Variants in CACNA1H observed in about 807,000 individuals in gnomAD.
The protein encoded by CACNA1H is calcium voltage-gated channel subunit alpha1 H.
Under a neutral mutation model 192.5 loss-of-function variants are expected in CACNA1H, and 149 were observed. The observed-to-expected ratio is 0.77, with a 90% CI of 0.68 to 0.89. The LOEUF is 0.89. CACNA1H is among the 40% of genes least tolerant of loss of function. The probability of loss-of-function intolerance (pLI) is 0.00; values close to 1 mark genes in which losing one functional copy is unlikely to be tolerated. For missense variants in CACNA1H, 4,257 were observed against 3,423.5 expected, an observed-to-expected ratio of 1.24 and a Z score of -6.08; for synonymous variants, 2,202 against 1,475.2, an observed-to-expected ratio of 1.49 and a Z score of -11.29.
chr16:1,161,577 C>T (rs557874737), intron 2 of CACNA1H, among the ~76,000 whole-genome samples: 15 of 152,214 alleles, frequency 9.9e-5, no homozygotes, highest in East Asian at 1.9e-4. Context: ...GGGGGGCTAG[C>T]GACCCCTGCC....
chr16:1,159,107 T>G (rs1044582910), intron 2 of CACNA1H, among the ~76,000 whole-genome samples: 3 of 152,190 alleles, frequency 2.0e-5, no homozygotes, highest in Non-Finnish European at 4.4e-5. Context: ...ATGGGGGGAC[T>G]TGGGGAGCCG....
At position 1,214,033 on chromosome 16, in the gene CACNA1H, C is replaced by T. The variant is rs376817082; in HGVS notation, c.4929+102C>T. On this transcript the variant is annotated intron_variant, in intron 27 of 34. Coordinates refer to ENST00000348261, the MANE Select transcript of CACNA1H (RefSeq NM_021098.3). The stretch of plus-strand genomic sequence containing the variant: ...CTGGACCGGCGCTCCGCTGAGCCCT[C>T]GCTGGGGTTTGCGTGGGGATGTGGG... The T allele has an allele frequency of 4.1e-4, 420 of 1,031,124 alleles. 3 individuals carry two copies. In the African/African-American group the frequency reaches 5.9e-3, roughly 15 times the overall value. The allele number at this position is 1,031,124 out of a possible 1,614,324, so 63.9% of individuals were successfully genotyped here.
intron 26 of CACNA1H, among the ~76,000 whole-genome samples, chr16:1,213,210 G>A (rs1387707129): frequency 1.3e-5 from 2 of 152,214 alleles, no homozygotes; most frequent in East Asian, 3.9e-4. Context: ...TGGGCTGGTG[G>A]CCAGAGGAGG....
chr16:1,153,628 CCGGCGGCCGCGGCTGTTCCCGCAG>C (rs1961873770), intron 1 of CACNA1H, 68 bp from the exon 2 acceptor site: 2 of 799,838 alleles, frequency 2.5e-6, no homozygotes, highest in East Asian at 8.6e-5. Flanking sequence ...CAAAGACATC[CCGGCGGCCGCGGCTGTTCCCGCAG>C]CTCCGCGCCG....
In CACNA1H at chr16:1,221,249, G is replaced by A. The variant is rs1012043038; in HGVS notation, c.*255G>A. On this transcript the variant is annotated 3_prime_UTR_variant, in exon 35 of 35. Transcript: ENST00000348261. ...CCAGCCGAGGCTGTGCGGGCAACTGGGTCAGCCTCCCGTCAGGAGAGAAGC... is the reference window on the plus strand; with the variant it reads ...CCAGCCGAGGCTGTGCGGGCAACTGAGTCAGCCTCCCGTCAGGAGAGAAGC... The A allele has an allele frequency of 4.1e-6, 2 of 482,820 alleles. No homozygotes were observed. The highest frequency in any genetic ancestry group is 3.9e-5 in the African/African-American group (2 of 51,416). 29.9% of individuals were successfully genotyped at this position (482,820 alleles called of 1,614,324 possible).
chr16:1,194,730 G>GGCCA lies in CACNA1H; in HGVS notation c.300-240_300-237dup, dbSNP rs141356546. Among the ~76,000 whole-genome samples the GGCCA allele has an allele frequency of 9.4e-3, 1,433 of 152,298 alleles. 36 individuals carry two copies. Among genetic ancestry groups the GGCCA allele is most frequent in the African/African-American group, 0.032 (1,343 of 41,564 alleles). On this transcript the variant is annotated intron_variant, in intron 2 of 34. Coordinates refer to ENST00000348261, the MANE Select transcript of CACNA1H (RefSeq NM_021098.3). The stretch of plus-strand genomic sequence containing the variant: ...GCTTTCCTGATGAGCCAACGCCGAG[G>GGCCA]GCCAGGGGGCCGGGCCTGGGACCCT...
intron 2 of CACNA1H, among the ~76,000 whole-genome samples, chr16:1,164,170 C>G (rs1190638201): frequency 2.0e-5 from 3 of 152,082 alleles, no homozygotes; most frequent in Non-Finnish European, 4.4e-5. Flanking sequence ...CCAGGATGCC[C>G]GTTCAGTTAT....
chr16:1,177,326 T>A (rs1221203941), intron 2 of CACNA1H, among the ~76,000 whole-genome samples: 1 of 152,158 alleles, frequency 6.6e-6, no homozygotes, highest in Non-Finnish European at 1.5e-5. Flanking sequence ...ATTTACACAC[T>A]GCAGCCGCCG....
intron 2 of CACNA1H, among the ~76,000 whole-genome samples, chr16:1,160,393 C>T (rs1263159226): frequency 6.6e-6 from 1 of 152,144 alleles, no homozygotes; most frequent in Non-Finnish European, 1.5e-5. Context: ...GTCAGCCGGT[C>T]GCGCCCTGAG....
rs1413951087 is a variant in CACNA1H at position 1,217,837 on chromosome 16, A to C, written c.5324-82A>C. On this transcript the variant is annotated intron_variant, in intron 31 of 34. Transcript: ENST00000348261. ...GGCTATCCTGCCTCTGGGCTCCCCA[A>C]GGGGCATGTGGAGGCTGGGTGCATG... The C allele has an allele frequency of 3.4e-6, 5 of 1,484,952 alleles. No individual in the cohort carries two copies. In the East Asian group the frequency reaches 1.2e-4, roughly 37 times the overall value. The allele number at this position is 1,484,952 out of a possible 1,614,324, so 92.0% of individuals were successfully genotyped here. A position where few individuals can be genotyped will look rare whatever the true frequency, so the allele number is the denominator to read the frequency against.
rs576145899 is a variant in CACNA1H at position 1,220,501 on chromosome 16, C to G, written c.6569C>G (p.Pro2190Arg). ...CGCAGAAAGAAGAAGATGAGCCCCCCCTGCATCTCGGTGGAACCCCCTGCG... is the reference window on the plus strand; with the variant it reads ...CGCAGAAAGAAGAAGATGAGCCCCCGCTGCATCTCGGTGGAACCCCCTGCG... ...GARRKKKMSP[P>R]CISVEPPAED... is the part of the protein sequence containing the mutation. Residue 2190 changes from proline to arginine, a missense_variant, in exon 35 of 35, where the codon CCC becomes CGC. Pro to Arg is a moderately radical substitution (Grantham distance 103). Transcript: ENST00000348261. 1.9e-6 allele frequency: 3 copies of G among 1,542,342 alleles called. No homozygotes were observed. Among genetic ancestry groups the G allele is most frequent in the African/African-American group, 2.8e-5 (2 of 71,862 alleles).
rs1315096038 is a variant in CACNA1H at position 1,167,484 on chromosome 16, T to A, written c.299+13448T>A. Among the ~76,000 whole-genome samples, 1 of 151,922 alleles carries A rather than the reference T, an allele frequency of 6.6e-6. No individual in the cohort carries two copies. The highest frequency in any genetic ancestry group is 1.5e-5 in the Non-Finnish European group (1 of 67,986). ...TAAAAAAAAAAATTATTAATGAGCT[T>A]GGTGCGGTTGCCATGGGAACCTGTT... is the stretch of plus-strand genomic sequence containing the variant. On this transcript the variant is annotated intron_variant, in intron 2 of 34. Coordinates refer to ENST00000348261, the MANE Select transcript of CACNA1H (RefSeq NM_021098.3). This position sits in a 1 kb window ranked among gnomAD's most constrained non-coding sequence, Gnocchi z 4.2.
intron 2 of CACNA1H, among the ~76,000 whole-genome samples, chr16:1,178,387 C>T (rs1337419739): frequency 6.7e-6 from 1 of 149,958 alleles, no homozygotes; most frequent in Non-Finnish European, 1.5e-5. Flanking sequence ...CCCCCGAGTC[C>T]CCATATTCAT....
chr16:1,189,795 C>T (rs56401020), intron 2 of CACNA1H, among the ~76,000 whole-genome samples: 1 of 152,024 alleles, frequency 6.6e-6, no homozygotes, highest in Non-Finnish European at 1.5e-5. Context: ...TTTCAACAGA[C>T]AGGGCCCCAC....
chr16:1,207,316 C>A lies in CACNA1H; in HGVS notation c.2949C>A (p.Gly983=). The change falls in exon 14 of 35, where the codon GGC becomes GGA. Residue 983 remains glycine, a synonymous_variant. Transcript: ENST00000348261. The part of the protein sequence containing the change: ...QEDWNVVLYN[G]MASTSSWAAL... Reference sequence around the variant, plus strand: ...ACTGGAACGTGGTCCTGTACAACGGCATGGCCTCCACCTCCTCCTGGGCCG... The same window carrying A: ...ACTGGAACGTGGTCCTGTACAACGGAATGGCCTCCACCTCCTCCTGGGCCG... 1 of 1,611,030 alleles carries A rather than the reference C, an allele frequency of 6.2e-7. No individual in the cohort carries two copies. The highest frequency in any genetic ancestry group is 8.5e-7 in the Non-Finnish European group (1 of 1,178,824).
At chr16:1,219,421 GT>G (rs1970302709) in intron 34 of CACNA1H, among the ~76,000 whole-genome samples, 1 of 151,796 alleles carries the variant, frequency 6.6e-6, no homozygotes, top group African/African-American at 2.4e-5. Flanking sequence ...GGTTTCTCAG[GT>G]CCCGTGGTGG....
In CACNA1H at chr16:1,213,764, G is replaced by A. The variant is rs892079364; in HGVS notation, c.4778-16G>A. Reference sequence around the variant, plus strand: ...GCGGCCCTCCTGCCCGGCGCTCATGGCCGCCCTCCCCGCAGAGGCCCAGCG... The same window carrying A: ...GCGGCCCTCCTGCCCGGCGCTCATGACCGCCCTCCCCGCAGAGGCCCAGCG... On this transcript the variant is annotated splice_polypyrimidine_tract_variant and intron_variant, in intron 26 of 34. Transcript: ENST00000348261. The A allele has an allele frequency of 4.6e-6, 7 of 1,533,444 alleles. No individual in the cohort carries two copies. The African/African-American group carries it at 6.9e-5, about 15-fold the overall frequency. The allele number at this position is 1,533,444 out of a possible 1,614,324, so 95.0% of individuals were successfully genotyped here. A position where few individuals can be genotyped will look rare whatever the true frequency, so the allele number is the denominator to read the frequency against.
In CACNA1H at chr16:1,208,195, C is replaced by T; in HGVS notation, c.3337C>T (p.Pro1113Ser). 1 of 1,564,128 alleles carries T rather than the reference C, an allele frequency of 6.4e-7. No homozygotes were observed. Among genetic ancestry groups the T allele is most frequent in the Non-Finnish European group, 8.6e-7 (1 of 1,156,956 alleles). The change falls in exon 16 of 35, where the codon CCG becomes TCG. Residue 1113 changes from proline to serine, a missense_variant. Physicochemically the swap from Pro to Ser is moderately conservative, Grantham distance 74 (BLOSUM62 -1). Transcript: ENST00000348261. ...SRRGSSSSGD[P>S]PLGDQKPPAS... ...GCGTGGCAGCAGCAGCTCCGGGGAC[C>T]CGCCACTGGGAGACCAGAAGCCTCC...
intron 5 of CACNA1H, among the ~76,000 whole-genome samples, chr16:1,196,882 G>A (rs868324593): frequency 5.9e-5 from 9 of 152,248 alleles, no homozygotes; most frequent in Admixed American, 2.6e-4. Flanking sequence ...GGGGGTCGGC[G>A]CGGCCCCCAC....
Sources: gnomAD v4.1 joint callset for allele counts (sites outside exome capture counted in the v4.1 genomes callset) on GRCh38, gnomAD v4.1.1 for gene constraint, Gnocchi (gnomAD v3.1) non-coding constraint, MANE v1.5 for transcripts, NCBI Gene and HGNC (gene_info 2026-07-23, HGNC 2026-07-21) for gene names.